The following CTNNA2 variants were observed in gnomAD, a reference collection of about 807,000 sequenced individuals.
The protein encoded by CTNNA2 is catenin alpha-2.
CTNNA2 carries 42 observed loss-of-function variants against 101.0 expected under a neutral mutation model. The observed-to-expected ratio is 0.42, with a 90% CI of 0.32 to 0.54. The LOEUF is 0.54. CTNNA2 is among the 20% of genes least tolerant of loss of function. The pLI, the probability that CTNNA2 is intolerant of heterozygous loss-of-function variation, is 0.14. For synonymous variants in CTNNA2, 450 were observed against 456.4 expected, an observed-to-expected ratio of 0.99 and a Z score of 0.18; for missense variants, 871 against 1,223.1, an observed-to-expected ratio of 0.71 and a Z score of 4.29.
At chr2:80,323,924 G>A (rs1678978040) in intron 7 of CTNNA2, among the ~76,000 whole-genome samples, 1 of 152,102 alleles carries the variant, frequency 6.6e-6, no homozygotes, top group Non-Finnish European at 1.5e-5. Flanking sequence ...GCTAACATTA[G>A]TGGTATTTCA....
chr2:79,829,300 T>C (rs1425715632), intron 3 of CTNNA2, among the ~76,000 whole-genome samples: 1 of 149,354 alleles, frequency 6.7e-6, no homozygotes, highest in Admixed American at 6.7e-5. Context: ...GGGCGGATCA[T>C]AAGGTCAGGA....
At chr2:79,799,933 G>A (rs764107982) in intron 3 of CTNNA2, among the ~76,000 whole-genome samples, 1 of 152,124 alleles carries the variant, frequency 6.6e-6, no homozygotes, top group Admixed American at 6.6e-5. Context: ...TTGCTTAGAG[G>A]GGAAAAGTTC....
intron 2 of CTNNA2, among the ~76,000 whole-genome samples, chr2:79,250,249 T>C (rs1426815916): frequency 5.6e-5 from 1 of 17,940 alleles, no homozygotes; most frequent in East Asian, 0.016. Flanking sequence ...ATTTCTATTG[T>C]TCAACAAGAC....
At chr2:79,929,337 C>T (rs1687233015) in intron 7 of CTNNA2, among the ~76,000 whole-genome samples, 1 of 152,032 alleles carries the variant, frequency 6.6e-6, no homozygotes, top group African/African-American at 2.4e-5. Flanking sequence ...GAATAACTGC[C>T]TTCAAATATT....
intron 7 of CTNNA2, among the ~76,000 whole-genome samples, chr2:80,234,085 C>T (rs1253757589): frequency 3.3e-5 from 5 of 151,774 alleles, no homozygotes; most frequent in African/African-American, 4.8e-5. Context: ...CTCACTCTGT[C>T]GCCCAGGCTG....
chr2:80,104,517 G>A (rs1007488337), intron 7 of CTNNA2, among the ~76,000 whole-genome samples: 3 of 152,176 alleles, frequency 2.0e-5, no homozygotes, highest in Non-Finnish European at 4.4e-5. Flanking sequence ...ATTCCCACTG[G>A]CAGAATACAA....
At chr2:79,901,184 C>G (rs17018116) in intron 6 of CTNNA2, among the ~76,000 whole-genome samples, 6,541 of 150,324 alleles carry the variant, frequency 0.044, 447 homozygotes, top group African/African-American at 0.15. Context: ...GAAAGAATGA[C>G]TTTGACTAAT....
chr2:80,186,634 T>C (rs1252120147), intron 7 of CTNNA2, among the ~76,000 whole-genome samples: 2 of 152,232 alleles, frequency 1.3e-5, no homozygotes, highest in East Asian at 3.9e-4. Flanking sequence ...CACTTGTAAA[T>C]ATTATTTTGC....
At chr2:79,613,808 C>T (rs545203361) in intron 1 of CTNNA2, among the ~76,000 whole-genome samples, 4 of 152,136 alleles carry the variant, frequency 2.6e-5, no homozygotes, top group South Asian at 2.1e-4. Context: ...CATGAGCCAC[C>T]GTATCCAGCT....
chr2:80,095,781 T>G (rs1423695958), intron 7 of CTNNA2, among the ~76,000 whole-genome samples: 1 of 151,896 alleles, frequency 6.6e-6, no homozygotes, highest in East Asian at 1.9e-4. Context: ...ATTTTCTAGT[T>G]TATTTGCATA....
At chr2:80,159,931 A>G (rs1184697207) in intron 7 of CTNNA2, among the ~76,000 whole-genome samples, 1 of 150,310 alleles carries the variant, frequency 6.7e-6, no homozygotes, top group Non-Finnish European at 1.5e-5. Flanking sequence ...ATATTTTCCT[A>G]TTTTTTTCTA....
At chr2:80,508,292 G>T (rs1407489160) in intron 9 of CTNNA2, among the ~76,000 whole-genome samples, 3 of 151,996 alleles carry the variant, frequency 2.0e-5, no homozygotes, top group Admixed American at 6.6e-5. Context: ...TGGGTAATAT[G>T]GTGAAACCCT....
At chr2:80,086,124 A>C (rs751496150) in intron 7 of CTNNA2, among the ~76,000 whole-genome samples, 1 of 152,100 alleles carries the variant, frequency 6.6e-6, no homozygotes, top group Non-Finnish European at 1.5e-5. Flanking sequence ...CTAAAAAAAC[A>C]ATACTTTCTT....
intron 4 of CTNNA2, among the ~76,000 whole-genome samples, chr2:79,464,731 C>T (rs978330343): frequency 6.6e-6 from 1 of 152,150 alleles, no homozygotes; most frequent in Non-Finnish European, 1.5e-5. Flanking sequence ...TCTTTGATGG[C>T]CAATGATGAT....
chr2:79,998,481 G>A (rs940027112), intron 7 of CTNNA2, among the ~76,000 whole-genome samples: 7 of 152,100 alleles, frequency 4.6e-5, no homozygotes, highest in Admixed American at 1.3e-4. Flanking sequence ...CTCATAAATG[G>A]AAGGGTAGCT....
chr2:79,877,186 T>C lies in CTNNA2; in HGVS notation c.852+2844T>C, dbSNP rs192981349. 1.9e-3 allele frequency among the ~76,000 whole-genome samples: 288 copies of C among 152,230 alleles called. 1 individual carries two copies. Among genetic ancestry groups the C allele is most frequent in the African/African-American group, 6.1e-3 (254 of 41,544 alleles). On this transcript the variant is annotated intron_variant, in intron 6 of 18. Coordinates refer to ENST00000402739, the MANE Select transcript of CTNNA2 (RefSeq NM_001282597.3). ...GAGAATTACATAAAGCGTTATCTAA[T>C]GGTCAACATTTTACTTCTTGGAGGT...
chr2:80,262,991 TGCCAGAACGGA>T (rs1672732502), intron 7 of CTNNA2, among the ~76,000 whole-genome samples: 1 of 152,124 alleles, frequency 6.6e-6, no homozygotes, highest in Non-Finnish European at 1.5e-5. Context: ...AATTCTAACG[TGCCAGAACGGA>T]ATTATGTAAT....
intron 9 of CTNNA2, among the ~76,000 whole-genome samples, chr2:80,436,194 T>C (rs970490624): frequency 6.6e-6 from 1 of 151,922 alleles, no homozygotes; most frequent in Non-Finnish European, 1.5e-5. Flanking sequence ...TGCAGATGAG[T>C]GTGTTCAAGT....
intron 9 of CTNNA2, among the ~76,000 whole-genome samples, chr2:80,443,701 G>A (rs1333197562): frequency 2.6e-5 from 4 of 152,154 alleles, no homozygotes; most frequent in Non-Finnish European, 5.9e-5. Flanking sequence ...TTTCTCATCT[G>A]TATAAAAGAA....
Sources: allele counts gnomAD v4.1 joint callset (sites outside exome capture counted in the v4.1 genomes callset), GRCh38; gene constraint gnomAD v4.1.1; transcripts MANE v1.5; gene names NCBI Gene and HGNC (gene_info 2026-07-23, HGNC 2026-07-21).